The following SPAST variants were observed in gnomAD, a reference collection of about 807,000 sequenced individuals.
SPAST encodes spastic paraplegia 4 (autosomal dominant; spastin).
SPAST carries 30 observed loss-of-function variants against 76.6 expected under a neutral mutation model. That is an observed-to-expected ratio of 0.39 (90% CI 0.29 to 0.53). SPAST has a LOEUF of 0.53. Among genes scored for constraint, SPAST ranks in the 20% least tolerant of loss-of-function variants. The pLI is 0.68. For missense variants in SPAST, 717 were observed against 770.5 expected (o/e 0.93, Z 0.82); for synonymous variants, 305 against 281.0 (o/e 1.09, Z -0.86).
At chr2:32,088,176 C>A (rs1472021312) in intron 2 of SPAST, among the ~76,000 whole-genome samples, 1 of 152,028 alleles carries the variant, frequency 6.6e-6, no homozygotes, top group Non-Finnish European at 1.5e-5. Context: ...GCATGAGCCA[C>A]TGTGGGCCAC....
At chr2:32,092,714 A>G (rs899056820) in intron 3 of SPAST, among the ~76,000 whole-genome samples, 4 of 152,170 alleles carry the variant, frequency 2.6e-5, no homozygotes, top group Non-Finnish European at 5.9e-5. Context: ...GGTAGATGGG[A>G]AAGGTGACAT....
Position 32,075,893 on chromosome 2 carries a change from G to GTT in SPAST, c.416-11599_416-11598insTT, listed in dbSNP as rs1558614620. Among the ~76,000 whole-genome samples, 10 of 70,018 alleles carry GTT rather than the reference G, an allele frequency of 1.4e-4. 2 individuals carry two copies. The highest frequency in any genetic ancestry group is 2.2e-4 in the Non-Finnish European group (8 of 37,174). 45.9% of individuals were successfully genotyped at this position (70,018 alleles called of 152,430 possible). ...TTTTTTTTAATGAAAAATTCAAAAT[G>GTT]CTCTTTTTTTTTTTTTTTTTTTTTT... On this transcript the variant is annotated intron_variant, in intron 1 of 16. Coordinates refer to ENST00000315285, the MANE Select transcript of SPAST (RefSeq NM_014946.4).
chr2:32,078,414 G>A (rs1223988598), intron 1 of SPAST, among the ~76,000 whole-genome samples: 1 of 152,128 alleles, frequency 6.6e-6, no homozygotes, highest in African/African-American at 2.4e-5. Context: ...AGCCTCAAGT[G>A]ATCTACCCTC....
chr2:32,089,263 C>G lies in SPAST; in HGVS notation c.503-259C>G, dbSNP rs981281788. Among the ~76,000 whole-genome samples the G allele has an allele frequency of 2.8e-5, 4 of 143,694 alleles. No homozygotes were observed. The Admixed American group carries it at 2.9e-4, about 10-fold the overall frequency. 94.3% of individuals were successfully genotyped at this position (143,694 alleles called of 152,430 possible). ...TTATGTTGCCCAGGCTGGTCTTGAACTCCTGGGCTCAAGTGATTCTGCTTT... is the reference window on the plus strand; with the variant it reads ...TTATGTTGCCCAGGCTGGTCTTGAAGTCCTGGGCTCAAGTGATTCTGCTTT... On this transcript the variant is annotated intron_variant, in intron 2 of 16. Transcript: ENST00000315285.
At chr2:32,114,508 A>G (rs1678746499) in intron 4 of SPAST, 130 bp from the exon 5 acceptor site, 1 of 742,516 alleles carries the variant, frequency 1.3e-6, no homozygotes, top group East Asian at 2.7e-5. Context: ...ACATGTTCTC[A>G]TTGAAATCTT....
At chr2:32,083,648 C>T (rs1008187054) in intron 1 of SPAST, among the ~76,000 whole-genome samples, 1 of 68,950 alleles carries the variant, frequency 1.5e-5, no homozygotes, top group Non-Finnish European at 2.8e-5. Context: ...ATATTTGACT[C>T]TGCCTACTAT....
Position 32,063,634 on chromosome 2 carries a change from G to C in SPAST, c.-198G>C. ...GGGGCCCGAGCCACCGACTGCAGGAGGAGAAGGGGTTGTGCTCCTGGCCGA... is the reference window on the plus strand; with the variant it reads ...GGGGCCCGAGCCACCGACTGCAGGACGAGAAGGGGTTGTGCTCCTGGCCGA... On this transcript the variant is annotated 5_prime_UTR_variant, in exon 1 of 17. Transcript: ENST00000315285. The C allele has an allele frequency of 1.6e-6, 1 of 638,734 alleles. No homozygotes were observed. The highest frequency in any genetic ancestry group is 2.6e-6 in the Non-Finnish European group (1 of 386,308). The allele number at this position is 638,734 out of a possible 1,614,324, so 39.6% of individuals were successfully genotyped here.
chr2:32,146,484 C>T (rs1442465933), intron 15 of SPAST, among the ~76,000 whole-genome samples: 1 of 152,034 alleles, frequency 6.6e-6, no homozygotes, highest in Non-Finnish European at 1.5e-5. Flanking sequence ...TCACTTGAGC[C>T]TGGAAGGTGC....
At chr2:32,103,322 T>G (rs1389934087) in intron 4 of SPAST, among the ~76,000 whole-genome samples, 3 of 152,166 alleles carry the variant, frequency 2.0e-5, no homozygotes, top group African/African-American at 7.2e-5. Context: ...ATCCCCTTTA[T>G]CATTTCTTAT....
chr2:32,069,630 C>T (rs1049284136), intron 1 of SPAST, among the ~76,000 whole-genome samples: 4 of 150,580 alleles, frequency 2.7e-5, no homozygotes, highest in Admixed American at 1.3e-4. Flanking sequence ...GATCTCAGCT[C>T]GCTGCAAGCC....
At chr2:32,126,726 A>G (rs1679206446) in intron 7 of SPAST, 2 of 478,964 alleles carry the variant, frequency 4.2e-6, no homozygotes, top group Non-Finnish European at 7.5e-6. Context: ...GGCTCATGTA[A>G]TCCTCCTGTC....
chr2:32,091,259 AT>A (rs2148711851), intron 3 of SPAST, among the ~76,000 whole-genome samples: 1 of 132,816 alleles, frequency 7.5e-6, no homozygotes, highest in African/African-American at 2.9e-5. Context: ...TATTATTATT[AT>A]TATTATTATT....
At chr2:32,150,570 T>A (rs972345774) in intron 16 of SPAST, among the ~76,000 whole-genome samples, 4 of 151,862 alleles carry the variant, frequency 2.6e-5, no homozygotes, top group Non-Finnish European at 5.9e-5. Context: ...TTTGAGTTGC[T>A]GGGACTACGG....
intron 1 of SPAST, chr2:32,066,025 G>C (rs1676496237): frequency 6.7e-6 from 1 of 148,972 alleles, no homozygotes; most frequent in South Asian, 2.1e-4. Flanking sequence ...CCAGACTGGA[G>C]TGCAGTGGCG....
intron 1 of SPAST, among the ~76,000 whole-genome samples, chr2:32,082,742 A>G (rs781629583): frequency 2.2e-4 from 33 of 152,012 alleles, no homozygotes; most frequent in Non-Finnish European, 1.9e-4. Context: ...TCTTCACTGC[A>G]TGTCATATAT....
intron 1 of SPAST, among the ~76,000 whole-genome samples, chr2:32,069,551 C>CTTTTTTTTT (rs36023742): frequency 7.2e-6 from 1 of 139,630 alleles, no homozygotes. Context: ...CATGACTTAT[C>CTTTTTTTTT]TTTTTTTTTT....
At chr2:32,123,218 C>A (rs1020608800) in intron 7 of SPAST, among the ~76,000 whole-genome samples, 2 of 151,436 alleles carry the variant, frequency 1.3e-5, no homozygotes, top group Non-Finnish European at 2.9e-5. Flanking sequence ...GCCAAGATCG[C>A]GCCATTGCAC....
intron 1 of SPAST, among the ~76,000 whole-genome samples, chr2:32,066,713 C>T (rs1408107396): frequency 6.6e-6 from 1 of 151,758 alleles, no homozygotes; most frequent in Non-Finnish European, 1.5e-5. Flanking sequence ...GTGGCTCATG[C>T]CTGTAATTCC....
chr2:32,074,633 A>G (rs1029524428), intron 1 of SPAST, among the ~76,000 whole-genome samples: 2 of 151,868 alleles, frequency 1.3e-5, no homozygotes, highest in African/African-American at 4.8e-5. Flanking sequence ...CAGCCTCCCA[A>G]CTAGCTGGAA....
Sources: gnomAD v4.1 joint callset for allele counts (sites outside exome capture counted in the v4.1 genomes callset) on GRCh38, gnomAD v4.1.1 for gene constraint, MANE v1.5 for transcripts, NCBI Gene and HGNC (gene_info 2026-07-23, HGNC 2026-07-21) for gene names.